The following RFC2 variants were observed in gnomAD, a reference collection of about 807,000 sequenced individuals.
RFC2 encodes the protein replication factor C subunit 2, also known as A1 40 kDa subunit.
A neutral mutation model predicts 44.8 loss-of-function variants in RFC2; 34 were observed. The observed-to-expected ratio is 0.76, with a 90% CI of 0.58 to 1.01. The LOEUF is 1.01. Ranked by LOEUF, RFC2 falls within the 50% of genes least tolerant of loss-of-function variation. The pLI is 0.00. For synonymous variants in RFC2, 177 were observed against 168.9 expected, an observed-to-expected ratio of 1.05 and a Z score of -0.37; for missense variants, 400 against 453.6, an observed-to-expected ratio of 0.88 and a Z score of 1.07.
intron 5 of RFC2, among the ~76,000 whole-genome samples, chr7:74,245,648 G>A (rs1206552624): frequency 1.3e-5 from 2 of 150,104 alleles, no homozygotes; most frequent in Non-Finnish European, 3.0e-5. Context: ...AGAAGGTGGA[G>A]CTTGCAGTGA....
rs12538610 is a variant in RFC2 at position 74,231,796 on chromosome 7, C to T, written c.*310G>A. On this transcript the variant is annotated 3_prime_UTR_variant, in exon 11 of 11. Coordinates refer to ENST00000055077, the MANE Select transcript of RFC2 (RefSeq NM_181471.3). ...CTGGGTTCAAGCGATTCTCCTGCCACAGCCTCCCGAGTAGCTGGGATTACA... is the reference window on the plus strand; with the variant it reads ...CTGGGTTCAAGCGATTCTCCTGCCATAGCCTCCCGAGTAGCTGGGATTACA... 0.01 allele frequency: 2,071 copies of T among 204,018 alleles called. 17 individuals are homozygous for T. Among genetic ancestry groups the T allele is most frequent in the Middle Eastern group, 0.023 (12 of 526 alleles). 12.6% of individuals were successfully genotyped at this position (204,018 alleles called of 1,614,324 possible).
At chr7:74,247,317 A>C (rs1803676089) in intron 4 of RFC2, among the ~76,000 whole-genome samples, 1 of 151,998 alleles carries the variant, frequency 6.6e-6, no homozygotes, top group Admixed American at 6.6e-5. Flanking sequence ...TGAGAGGAGG[A>C]CTCTTCCTAA....
At chr7:74,232,843 CA>C (rs1802804454) in intron 10 of RFC2, among the ~76,000 whole-genome samples, 1 of 150,736 alleles carries the variant, frequency 6.6e-6, no homozygotes, top group Non-Finnish European at 1.5e-5. Flanking sequence ...CCAGCCTGGG[CA>C]ACAGAGCAAG....
At chr7:74,250,405 T>C (rs1229729985) in intron 2 of RFC2, among the ~76,000 whole-genome samples, 2 of 151,840 alleles carry the variant, frequency 1.3e-5, no homozygotes, top group African/African-American at 4.8e-5. Flanking sequence ...ATCCTCCTGC[T>C]TTGGCCTCCC....
Position 74,247,122 on chromosome 7 carries a change from C to CA in RFC2, c.333-360dup, listed in dbSNP as rs74906792. Among the ~76,000 whole-genome samples, 208 of 102,012 alleles carry CA rather than the reference C, an allele frequency of 2.0e-3. 1 individual carries two copies. The highest frequency in any genetic ancestry group is 0.01 in the South Asian group (32 of 3,186). The allele number at this position is 102,012 out of a possible 152,430, so 66.9% of individuals were successfully genotyped here. A position where few individuals can be genotyped will look rare whatever the true frequency, so the allele number is the denominator to read the frequency against. ...ACCCCAGCCTGGCGATAATTCGTCT[C>CA]AAAAAAAAAAAAAAGCCTCATCCTT... On this transcript the variant is annotated intron_variant, in intron 4 of 10. Transcript: ENST00000055077.
Position 74,238,793 on chromosome 7 carries a change from G to C in RFC2, c.759+130C>G. The C allele has an allele frequency of 8.6e-6, 6 of 698,506 alleles. No homozygotes were observed. The South Asian group carries it at 9.9e-5, about 12-fold the overall frequency. The allele number at this position is 698,506 out of a possible 1,614,324, so 43.3% of individuals were successfully genotyped here. On this transcript the variant is annotated intron_variant, in intron 8 of 10. Transcript: ENST00000055077. This position sits in a 1 kb window ranked among gnomAD's most constrained non-coding sequence, Gnocchi z 4.0. ...TAGGGAGAGGACAGACGGGAGCAGG[G>C]TGGGCTCCCTGGCACCCACAAGAGC...
chr7:74,249,559 A>G (rs1554720678), intron 3 of RFC2, among the ~76,000 whole-genome samples, 180 bp downstream of exon 3: 1 of 151,856 alleles, frequency 6.6e-6, no homozygotes, highest in African/African-American at 2.4e-5. Context: ...AAATAAATAA[A>G]TAAATAAAAA....
rs781830359 is a variant in RFC2 at position 74,249,116 on chromosome 7, G to A, written c.228C>T (p.Gly76=). 14 of 1,613,500 alleles carry A rather than the reference G, an allele frequency of 8.7e-6. No homozygotes were observed. The highest frequency in any genetic ancestry group is 1.2e-5 in the Non-Finnish European group (14 of 1,179,626). Residue 76 remains glycine, a splice_region_variant and synonymous_variant, in exon 4 of 11, where the codon GGC becomes GGT. Transcript: ENST00000055077. ...TTGTGGTCTTGCCGGTTCCTGGAGG[G>A]CCCTGGGAATGAGATCTCCAGTAAA... ...EGNVPNIIIA[G]PPGTGKTTSI... is the part of the protein sequence containing the mutation.
intron 10 of RFC2, among the ~76,000 whole-genome samples, chr7:74,234,093 C>A (rs960955726): frequency 8.5e-5 from 13 of 152,134 alleles, no homozygotes; most frequent in Admixed American, 8.5e-4. Context: ...AACTGTGGTA[C>A]ACGCACAGGA....
chr7:74,252,454 T>A lies in RFC2; in HGVS notation c.158A>T (p.Asn53Ile). 2 of 1,606,954 alleles carry A rather than the reference T, an allele frequency of 1.2e-6. No homozygotes were observed. The highest frequency in any genetic ancestry group is 1.7e-6 in the Non-Finnish European group (2 of 1,174,254). ...CTCTAGCCTGCTCACGGTGTCTTCA[T>A]TCCCGACAATTTCATTCAGCTTTAC... ...RPVKLNEIVG[N>I]EDTVSRLEVF... Residue 53 changes from asparagine to isoleucine, a missense_variant, in exon 2 of 11, where the codon AAT (asparagine) becomes ATT (isoleucine). Physicochemically the swap from Asn to Ile is moderately radical, Grantham distance 149. Coordinates refer to ENST00000055077, the MANE Select transcript of RFC2 (RefSeq NM_181471.3).
At chr7:74,242,234 G>A (rs782399135) in intron 6 of RFC2, among the ~76,000 whole-genome samples, 7 of 152,222 alleles carry the variant, frequency 4.6e-5, no homozygotes, top group Non-Finnish European at 1.0e-4. Flanking sequence ...CTGTGATCGT[G>A]ACACCGTGCA....
chr7:74,239,020 T>C (rs373865366), intron 7 of RFC2, 32 bp from the exon 8 acceptor site: 1 of 1,572,444 alleles, frequency 6.4e-7, no homozygotes, highest in Non-Finnish European at 8.7e-7. Context: ...TCAAGGATGA[T>C]TTTTATATTT....
chr7:74,240,055 C>A lies in RFC2; in HGVS notation c.576G>T (p.Lys192Asn). 2.5e-6 allele frequency: 4 copies of A among 1,614,082 alleles called. No homozygotes were observed. Among genetic ancestry groups the A allele is most frequent in the Non-Finnish European group, 3.4e-6 (4 of 1,179,988 alleles). ...TGGTGAGGATCTGGGCGTCGGTCAG[C>A]TTTGTGTACCGGAGGACTGCACAGC... ...QSRCAVLRYT[K>N]LTDAQILTRL... Residue 192 changes from lysine (K) to asparagine (N), a missense_variant, in exon 7 of 11, where the codon AAG (lysine) becomes AAT (asparagine). Transcript: ENST00000055077.
chr7:74,246,214 TAAATAC>T lies in RFC2; in HGVS notation c.434+442_434+447del, dbSNP rs547678440. Among the ~76,000 whole-genome samples the T allele has an allele frequency of 8.3e-4, 118 of 142,952 alleles. 1 individual carries two copies. In the Middle Eastern group the frequency reaches 0.011, roughly 14 times the overall value. The allele number at this position is 142,952 out of a possible 152,430, so 93.8% of individuals were successfully genotyped here. Reference sequence around the variant, plus strand: ...CTGTCTCAAAAAAAAAATAAATAAATAAATACAAATACAAATACAAATACAAATACA... The same window carrying T: ...CTGTCTCAAAAAAAAAATAAATAAATAAATACAAATACAAATACAAATACA... On this transcript the variant is annotated intron_variant, in intron 5 of 10. Transcript: ENST00000055077.
At chr7:74,242,749 TAAAAAAAAA>T (rs71094767) in intron 6 of RFC2, among the ~76,000 whole-genome samples, 2 of 105,650 alleles carry the variant, frequency 1.9e-5, no homozygotes, top group African/African-American at 3.7e-5. Context: ...CCCCATCTCT[TAAAAAAAAA>T]AAAAAAAAAA....
At chr7:74,245,867 C>T (rs1197860294) in intron 5 of RFC2, among the ~76,000 whole-genome samples, 4 of 151,962 alleles carry the variant, frequency 2.6e-5, no homozygotes, top group African/African-American at 9.7e-5. Flanking sequence ...TCGAGACCAG[C>T]CTGGCCAACA....
chr7:74,251,352 G>C (rs1462015761), intron 2 of RFC2, among the ~76,000 whole-genome samples: 2 of 152,080 alleles, frequency 1.3e-5, no homozygotes, highest in African/African-American at 4.8e-5. Context: ...ACCACACCCA[G>C]CTCATTCTTA....
intron 5 of RFC2, among the ~76,000 whole-genome samples, chr7:74,245,794 C>T (rs1803569547): frequency 6.6e-6 from 1 of 151,754 alleles, no homozygotes; most frequent in South Asian, 2.1e-4. Flanking sequence ...GGCACAGTGG[C>T]TCACACCTAT....
intron 2 of RFC2, among the ~76,000 whole-genome samples, chr7:74,251,721 C>T (rs1786966791): frequency 6.7e-6 from 1 of 149,222 alleles, no homozygotes; most frequent in South Asian, 2.1e-4. Flanking sequence ...TTGCTTAAAC[C>T]CAGGAGGCGG....
Sources: allele counts gnomAD v4.1 joint callset (sites outside exome capture counted in the v4.1 genomes callset), GRCh38; gene constraint gnomAD v4.1.1; non-coding constraint Gnocchi (gnomAD v3.1); transcripts MANE v1.5; gene names NCBI Gene and HGNC (gene_info 2026-07-23, HGNC 2026-07-21).